Variants in AKAP17A observed in about 807,000 individuals in gnomAD.
AKAP17A encodes the protein A-kinase anchor protein 17A.
In AKAP17A, 15 loss-of-function variants were observed where a neutral mutation model predicts 52.2. The observed-to-expected ratio is 0.29, with a 90% CI of 0.19 to 0.44. The LOEUF (loss-of-function observed/expected upper bound fraction) is 0.44. Among genes scored for constraint, AKAP17A ranks in the 20% least tolerant of loss-of-function variants. The pLI is 1.00. For synonymous variants in AKAP17A, 514 were observed against 424.7 expected (o/e 1.21, Z -2.58); for missense variants, 1,060 against 1,007.0 (o/e 1.05, Z -0.71).
Position 1,600,693 on chromosome X carries a change from A to G in AKAP17A, c.1187A>G (p.Glu396Gly), listed in dbSNP as rs1933312496. 6.5e-7 allele frequency: 1 copy of G among 1,545,244 alleles called. No homozygotes were observed. Among genetic ancestry groups the G allele is most frequent in the South Asian group, 1.2e-5 (1 of 83,884 alleles). ...CTACGGGAACAGGAGCAGAAGGAGG[A>G]GAAGCTGAGGCTCCAGCAGCAGGAG... The part of the protein sequence containing the change: ...VKLREQEQKE[E>G]KLRLQQQEER... The change falls in exon 5 of 5, where the codon GAG (glutamate) becomes GGG (glycine). Residue 396 changes from glutamate (E) to glycine (G), a missense_variant. By Grantham distance (98) the Glu-to-Gly change is moderately conservative (BLOSUM62 -2). Transcript: ENST00000313871.
chrX:1,599,488 C>G, intron 4 of AKAP17A, 56 bp downstream of exon 4: 4 of 1,551,072 alleles, frequency 2.6e-6, no homozygotes, highest in Non-Finnish European at 3.5e-6. Flanking sequence ...CCTCAGTGCC[C>G]TCCCCTGAAA....
Position 1,593,597 on chromosome X carries a change from C to T in AKAP17A, c.135C>T (p.Ser45=), listed in dbSNP as rs1164334877. ...CGCAGCTGAAGCAGCCGGGGAAGTCCATCTCCAACTGGGAGGTGATGGAGA... is the reference window on the plus strand; with the variant it reads ...CGCAGCTGAAGCAGCCGGGGAAGTCTATCTCCAACTGGGAGGTGATGGAGA... ...ALPQLKQPGK[S]ISNWEVMERL... is the part of the protein sequence containing the mutation. The change falls in exon 2 of 5, where the codon TCC becomes TCT. Residue 45 remains serine, a synonymous_variant. Transcript: ENST00000313871. 1.9e-6 allele frequency: 3 copies of T among 1,613,764 alleles called. No individual in the cohort carries two copies. Among genetic ancestry groups the T allele is most frequent in the African/African-American group, 1.3e-5 (1 of 74,940 alleles).
At chrX:1,595,228 TCTGG>T (rs1932920990) in intron 2 of AKAP17A, among the ~76,000 whole-genome samples, 152 bp from the exon 3 acceptor site, 1 of 81,404 alleles carries the variant, frequency 1.2e-5, no homozygotes, top group Non-Finnish European at 2.5e-5. Context: ...GGCTCCACTG[TCTGG>T]GTCTGCACCG....
Position 1,601,643 on chromosome X carries a change from C to T in AKAP17A, c.*49C>T. On this transcript the variant is annotated 3_prime_UTR_variant, in exon 5 of 5. Coordinates refer to ENST00000313871, the MANE Select transcript of AKAP17A (RefSeq NM_005088.3). ...CCTGTCCGGGAAAGACCAGGACCTG[C>T]TCGAGCCTCCTGGCCGCTCCTTGGC... The T allele has an allele frequency of 7.3e-7, 1 of 1,368,628 alleles. No individual in the cohort carries two copies. Among genetic ancestry groups the T allele is most frequent in the Non-Finnish European group, 9.4e-7 (1 of 1,065,458 alleles). 84.8% of individuals were successfully genotyped at this position (1,368,628 alleles called of 1,614,324 possible). A position where few individuals can be genotyped will look rare whatever the true frequency, so the allele number is the denominator to read the frequency against.
chrX:1,598,297 G>C (rs1375192870), intron 3 of AKAP17A, among the ~76,000 whole-genome samples: 1 of 151,656 alleles, frequency 6.6e-6, no homozygotes, highest in Non-Finnish European at 1.5e-5. Context: ...TCGGCACCTG[G>C]CCCGGCCCCC....
chrX:1,601,431 A>C lies in AKAP17A; in HGVS notation c.1925A>C (p.Asp642Ala). Reference protein sequence around the residue: ...DSPRRRSTSPDHTRSRRSHSK... With the variant: ...DSPRRRSTSPAHTRSRRSHSK... ...CCCCGCCGGCGCAGCACGAGCCCGG[A>C]CCACACCCGGTCCCGGAGGTCCCAC... Residue 642 changes from aspartate (D) to alanine (A), a missense_variant, in exon 5 of 5, where the codon GAC becomes GCC. Asp to Ala is a moderately radical substitution (Grantham distance 126). Coordinates refer to ENST00000313871, the MANE Select transcript of AKAP17A (RefSeq NM_005088.3). 6.4e-7 allele frequency: 1 copy of C among 1,572,854 alleles called. No individual in the cohort carries two copies. Among genetic ancestry groups the C allele is most frequent in the Non-Finnish European group, 8.6e-7 (1 of 1,167,090 alleles).
At chrX:1,598,937 G>A (rs1393202052) in intron 3 of AKAP17A, among the ~76,000 whole-genome samples, 7 of 152,180 alleles carry the variant, frequency 4.6e-5, no homozygotes, top group African/African-American at 1.7e-4. Context: ...TCCAGTGGTC[G>A]TTTTCTTCGT....
intron 4 of AKAP17A, chrX:1,600,109 C>T (rs755424478): frequency 4.7e-6 from 6 of 1,285,988 alleles, no homozygotes; most frequent in East Asian, 1.1e-4. Flanking sequence ...CAACGCGGGG[C>T]GACCCCATAA....
chrX:1,592,783 A>C (rs1932861515), intron 1 of AKAP17A, among the ~76,000 whole-genome samples: 3 of 152,094 alleles, frequency 2.0e-5, no homozygotes, highest in African/African-American at 7.2e-5. Flanking sequence ...TGGGTTAATG[A>C]AGGTGGGCGG....
In AKAP17A at chrX:1,601,412, C is replaced by T. The variant is rs765109074; in HGVS notation, c.1906C>T (p.Arg636Trp). 1.2e-5 allele frequency: 18 copies of T among 1,564,198 alleles called. No individual in the cohort carries two copies. The highest frequency in any genetic ancestry group is 8.1e-5 in the African/African-American group (6 of 73,866). ...KHAYKDDSPR[R>W]RSTSPDHTRS... The stretch of plus-strand genomic sequence containing the variant: ...CGCCTACAAGGATGACAGCCCCCGC[C>T]GGCGCAGCACGAGCCCGGACCACAC... The change falls in exon 5 of 5, where the codon CGG becomes TGG. Residue 636 changes from arginine to tryptophan, a missense_variant. Transcript: ENST00000313871.
At position 1,599,355 on chromosome X, in the gene AKAP17A, G is replaced by C. The variant is rs768305378; in HGVS notation, c.1075G>C (p.Glu359Gln). The C allele has an allele frequency of 1.9e-6, 3 of 1,594,758 alleles. No individual in the cohort carries two copies. Among genetic ancestry groups the C allele is most frequent in the Non-Finnish European group, 1.7e-6 (2 of 1,171,716 alleles). ...QKQLQEKIKL[E>Q]ERKLLLAQRN... Reference sequence around the variant, plus strand: ...GCAGCTGCAGGAGAAGATCAAGCTGGAGGAGCGCAAGCTGCTGCTGGCCCA... The same window carrying C: ...GCAGCTGCAGGAGAAGATCAAGCTGCAGGAGCGCAAGCTGCTGCTGGCCCA... The change falls in exon 4 of 5, where the codon GAG (glutamate) becomes CAG (glutamine). Residue 359 changes from glutamate to glutamine, a missense_variant. Glu to Gln is a conservative substitution (Grantham distance 29, BLOSUM62 2). This residue lies in a region of AKAP17A where 793 missense variants were observed against 629.9 expected (regional missense o/e 1.26). Transcript: ENST00000313871.
At chrX:1,596,413 C>T (rs1365368482) in intron 3 of AKAP17A, among the ~76,000 whole-genome samples, 1 of 151,666 alleles carries the variant, frequency 6.6e-6, no homozygotes, top group African/African-American at 2.4e-5. Flanking sequence ...TCTGTGAATC[C>T]CCTGAGGCGG....
intron 4 of AKAP17A, chrX:1,600,071 C>A: frequency 9.9e-7 from 1 of 1,005,914 alleles, no homozygotes; most frequent in Non-Finnish European, 1.4e-6. Flanking sequence ...GCTCCTTGTC[C>A]TCAGGAGGGC....
Position 1,594,233 on chromosome X carries a change from T to C in AKAP17A, c.762+9T>C. On this transcript the variant is annotated intron_variant, in intron 2 of 4. Coordinates refer to ENST00000313871, the MANE Select transcript of AKAP17A (RefSeq NM_005088.3). ...TGGCCTGCAACATCAAGGTGAGTCCTGGGCACCGAGAGAGCCACGCGCTTC... is the reference window on the plus strand; with the variant it reads ...TGGCCTGCAACATCAAGGTGAGTCCCGGGCACCGAGAGAGCCACGCGCTTC... 2 of 1,513,738 alleles carry C rather than the reference T, an allele frequency of 1.3e-6. No individual in the cohort carries two copies. The highest frequency in any genetic ancestry group is 1.8e-6 in the Non-Finnish European group (2 of 1,131,664). 93.8% of individuals were successfully genotyped at this position (1,513,738 alleles called of 1,614,324 possible).
chrX:1,597,721 A>G (rs1166482166), intron 3 of AKAP17A, among the ~76,000 whole-genome samples: 11 of 152,086 alleles, frequency 7.2e-5, no homozygotes, highest in African/African-American at 2.4e-4. Context: ...AAGAAGCTGC[A>G]TCCTTGATCT....
chrX:1,592,091 A>G (rs1380316253), intron 1 of AKAP17A, among the ~76,000 whole-genome samples: 1 of 150,266 alleles, frequency 6.7e-6, no homozygotes, highest in African/African-American at 2.5e-5. Context: ...GGGGGATCGG[A>G]TGGGCGGGAG....
Position 1,601,060 on chromosome X carries a change from G to C in AKAP17A, c.1554G>C (p.Glu518Asp). ...APKSVNGSVA[E>D]EAPCKEVQSS... ...AAAGCGTGAACGGGAGCGTGGCCGA[G>C]GAGGCCCCATGCAAGGAGGTTCAGA... is the stretch of plus-strand genomic sequence containing the variant. The change falls in exon 5 of 5, where the codon GAG (glutamate) becomes GAC (aspartate). Residue 518 changes from glutamate (E) to aspartate (D), a missense_variant. Around this residue, in one of 2 missense-constraint regions of AKAP17A, gnomAD observed 793 missense variants for 629.9 expected, o/e 1.26. Transcript: ENST00000313871. 2 of 1,613,452 alleles carry C rather than the reference G, an allele frequency of 1.2e-6. No homozygotes were observed. Among genetic ancestry groups the C allele is most frequent in the South Asian group, 1.1e-5 (1 of 91,054 alleles).
At chrX:1,594,245 G>A in intron 2 of AKAP17A, 21 bp downstream of exon 2, 1 of 1,505,768 alleles carries the variant, frequency 6.6e-7, no homozygotes, top group Non-Finnish European at 8.9e-7. Flanking sequence ...GGCACCGAGA[G>A]AGCCACGCGC....
intron 3 of AKAP17A, among the ~76,000 whole-genome samples, chrX:1,597,465 C>G (rs778362379): frequency 6.6e-6 from 1 of 152,100 alleles, no homozygotes; most frequent in African/African-American, 2.4e-5. Flanking sequence ...CTGGGAGGGG[C>G]GGTTCGGATG....
Sources: gnomAD v4.1 joint callset for allele counts (sites outside exome capture counted in the v4.1 genomes callset) on GRCh38, gnomAD v4.1.1 for gene constraint, gnomAD v4.1.1 regional missense constraint, MANE v1.5 for transcripts, NCBI Gene and HGNC (gene_info 2026-07-23, HGNC 2026-07-21) for gene names.